Variants in CAMTA1 observed in about 807,000 individuals in gnomAD.
The protein encoded by CAMTA1 is calmodulin binding transcription activator 1.
In CAMTA1, 27 loss-of-function variants were observed where a neutral mutation model predicts 170.9. The observed-to-expected ratio is 0.16, with a 90% confidence interval of 0.12 to 0.22. The LOEUF (loss-of-function observed/expected upper bound fraction) is 0.22. Ranked by LOEUF, CAMTA1 falls within the 10% of genes least tolerant of loss-of-function variation. The pLI, the probability that CAMTA1 is intolerant of heterozygous loss-of-function variation, is 1.00. For synonymous variants in CAMTA1, 833 were observed against 891.5 expected (o/e 0.93, Z 1.17); for missense variants, 1,619 against 2,217.2 (o/e 0.73, Z 5.42).
At chr1:7,668,172 G>A (rs964751353) in intron 9 of CAMTA1, among the ~76,000 whole-genome samples, 4 of 152,104 alleles carry the variant, frequency 2.6e-5, no homozygotes, top group African/African-American at 7.2e-5. Flanking sequence ...CAGGCTCGTC[G>A]GCCTGGGCCC....
At chr1:7,605,794 C>T (rs933162395) in intron 6 of CAMTA1, among the ~76,000 whole-genome samples, 2 of 152,248 alleles carry the variant, frequency 1.3e-5, no homozygotes, top group African/African-American at 4.8e-5. Flanking sequence ...GAGCTGTAGA[C>T]TGGAGCTGTT....
chr1:7,594,238 G>GAAGA (rs1326879482), intron 6 of CAMTA1, among the ~76,000 whole-genome samples: 17 of 147,972 alleles, frequency 1.1e-4, no homozygotes, highest in Non-Finnish European at 1.8e-4. Context: ...AGGAAGGAAG[G>GAAGA]AAGAAAGAAA....
At chr1:7,354,260 T>A (rs967144082) in intron 5 of CAMTA1, among the ~76,000 whole-genome samples, 3 of 151,930 alleles carry the variant, frequency 2.0e-5, no homozygotes, top group African/African-American at 7.3e-5. Context: ...GCCATTCTCC[T>A]GCCTCAGCCT....
At position 7,638,646 on chromosome 1, in the gene CAMTA1, A is replaced by G. The variant is rs74999387; in HGVS notation, c.511-1754A>G. ...GACACAGCAAGACCCTGTCTAAAGG[A>G]AAAAAAAAAGGTTCAAGAAATACCC... is the stretch of plus-strand genomic sequence containing the variant. On this transcript the variant is annotated intron_variant, in intron 6 of 22. Transcript: ENST00000303635. Among the ~76,000 whole-genome samples the G allele has an allele frequency of 1.3e-3, 194 of 147,402 alleles. 1 individual carries two copies. Among genetic ancestry groups the G allele is most frequent in the Non-Finnish European group, 2.4e-3 (162 of 67,136 alleles).
intron 5 of CAMTA1, among the ~76,000 whole-genome samples, chr1:7,413,946 A>G (rs2090976181): frequency 6.6e-6 from 1 of 152,196 alleles, no homozygotes; most frequent in African/African-American, 2.4e-5. Context: ...TACCTAATTT[A>G]TTGAGAGCTT....
At position 7,188,332 on chromosome 1, in the gene CAMTA1, C is replaced by T. The variant is rs568501974; in HGVS notation, c.303-61159C>T. Among the ~76,000 whole-genome samples, 3 of 152,312 alleles carry T rather than the reference C, an allele frequency of 2.0e-5. No individual in the cohort carries two copies. The East Asian group carries it at 5.8e-4, about 29-fold the overall frequency. ...GAAATGCACCTAACATAACATTTAC[C>T]ACTTTAACCATTTTCCACTGTACCA... On this transcript the variant is annotated intron_variant, in intron 4 of 22. Coordinates refer to ENST00000303635, the MANE Select transcript of CAMTA1 (RefSeq NM_015215.4).
intron 5 of CAMTA1, among the ~76,000 whole-genome samples, chr1:7,335,140 G>GTGTGTGTGTGTGTGTGT (rs781434178): frequency 1.6e-4 from 10 of 61,546 alleles, no homozygotes; most frequent in South Asian, 5.9e-4. Context: ...GTGTGTGTGT[G>GTGTGTGTGTGTGTGTGT]GGGGGGGGGG....
At chr1:6,787,726 C>A (rs1639819611) in intron 1 of CAMTA1, among the ~76,000 whole-genome samples, 1 of 152,252 alleles carries the variant, frequency 6.6e-6, no homozygotes, top group Non-Finnish European at 1.5e-5. Flanking sequence ...AGCAGAACGA[C>A]ATCCTGCGTG....
intron 4 of CAMTA1, among the ~76,000 whole-genome samples, chr1:7,197,482 T>G (rs944773183): frequency 6.6e-5 from 10 of 151,862 alleles, no homozygotes; most frequent in African/African-American, 2.2e-4. Context: ...GACCAGGACG[T>G]AGCATCATTT....
At chr1:7,176,461 G>C (rs1650849538) in intron 4 of CAMTA1, among the ~76,000 whole-genome samples, 1 of 152,154 alleles carries the variant, frequency 6.6e-6, no homozygotes, top group Admixed American at 6.5e-5. Context: ...TTATGTTCTG[G>C]AAGAGTTCTG....
At chr1:6,927,576 C>A (rs1350801779) in intron 3 of CAMTA1, among the ~76,000 whole-genome samples, 3 of 152,196 alleles carry the variant, frequency 2.0e-5, no homozygotes, top group Admixed American at 2.0e-4. Context: ...CACCAGTGCC[C>A]TCATTTCCTG....
chr1:7,429,392 T>G (rs1399393737), intron 5 of CAMTA1, among the ~76,000 whole-genome samples: 1 of 152,196 alleles, frequency 6.6e-6, no homozygotes, highest in Non-Finnish European at 1.5e-5. Flanking sequence ...ATGATGATGG[T>G]GATAACTATG....
At chr1:6,935,980 C>T (rs1035537960) in intron 3 of CAMTA1, among the ~76,000 whole-genome samples, 1 of 152,160 alleles carries the variant, frequency 6.6e-6, no homozygotes, top group African/African-American at 2.4e-5. Context: ...TTTTGTGACT[C>T]GAGGCTGTCG....
At chr1:6,877,187 C>T (rs544795118) in intron 3 of CAMTA1, among the ~76,000 whole-genome samples, 3 of 152,332 alleles carry the variant, frequency 2.0e-5, no homozygotes, top group African/African-American at 7.2e-5. Flanking sequence ...AAGTAATCAT[C>T]CTTCTGCGCT....
chr1:6,813,498 G>A lies in CAMTA1; in HGVS notation c.46-6683G>A, dbSNP rs75142877. Among the ~76,000 whole-genome samples the A allele has an allele frequency of 3.4e-5, 5 of 147,618 alleles. No individual in the cohort carries two copies. The East Asian group carries it at 9.8e-4, about 29-fold the overall frequency. ...CTTTTAAGTTTTTTTTTTTTTTTAA[G>A]CAGGTTTAAAGTAGCTTTTATCATA... On this transcript the variant is annotated intron_variant, in intron 1 of 22. Coordinates refer to ENST00000303635, the MANE Select transcript of CAMTA1 (RefSeq NM_015215.4).
rs973067396 is a variant in CAMTA1 at position 7,455,233 on chromosome 1, T to A, written c.439-12597T>A. On this transcript the variant is annotated intron_variant, in intron 5 of 22. Coordinates refer to ENST00000303635, the MANE Select transcript of CAMTA1 (RefSeq NM_015215.4). This position sits in a 1 kb window ranked among gnomAD's most constrained non-coding sequence, Gnocchi z 5.0. ...TGCAGGAGCCGCGGCTCGGCATGGT[T>A]CTGCGTGTGTGTTTCCGACACTGGC... is the stretch of plus-strand genomic sequence containing the variant. Among the ~76,000 whole-genome samples the A allele has an allele frequency of 1.3e-5, 2 of 152,184 alleles. No homozygotes were observed. Among genetic ancestry groups the A allele is most frequent in the African/African-American group, 4.8e-5 (2 of 41,450 alleles).
intron 2 of CAMTA1, 107 bp downstream of exon 2, chr1:6,820,357 C>G (rs1328979501): frequency 2.0e-5 from 22 of 1,089,110 alleles, no homozygotes; most frequent in East Asian, 5.0e-5. Flanking sequence ...CTCAGAAGAC[C>G]TGGGTTCTGC....
At chr1:7,374,663 A>C (rs964791239) in intron 5 of CAMTA1, among the ~76,000 whole-genome samples, 3 of 152,328 alleles carry the variant, frequency 2.0e-5, no homozygotes, top group South Asian at 4.1e-4. Flanking sequence ...ATAAGGAAGC[A>C]GGCGTGCGGC....
chr1:7,272,712 A>G lies in CAMTA1; in HGVS notation c.438+23086A>G, dbSNP rs139943976. Among the ~76,000 whole-genome samples the G allele has an allele frequency of 1.4e-3, 157 of 109,950 alleles. 1 individual carries two copies. Among genetic ancestry groups the G allele is most frequent in the African/African-American group, 4.3e-3 (142 of 33,106 alleles). The allele number at this position is 109,950 out of a possible 152,430, so 72.1% of individuals were successfully genotyped here. ...ACATGCAAAAAAAAAAAAAAAAAAA[A>G]AAAAGAAAAGAAAAGAAAAGAAATT... On this transcript the variant is annotated intron_variant, in intron 5 of 22. Coordinates refer to ENST00000303635, the MANE Select transcript of CAMTA1 (RefSeq NM_015215.4).
Sources: allele counts gnomAD v4.1 joint callset (sites outside exome capture counted in the v4.1 genomes callset), GRCh38; gene constraint gnomAD v4.1.1; non-coding constraint Gnocchi (gnomAD v3.1); transcripts MANE v1.5; gene names NCBI Gene and HGNC (gene_info 2026-07-23, HGNC 2026-07-21).